Variants in ARHGAP25 observed in about 807,000 individuals in gnomAD.
ARHGAP25 encodes the protein Rho GTPase activating protein 25.
In ARHGAP25, 34 loss-of-function variants were observed where a neutral mutation model predicts 71.0. The observed-to-expected ratio is 0.48, with a 90% confidence interval of 0.36 to 0.64. The LOEUF (loss-of-function observed/expected upper bound fraction) is 0.64. Among genes scored for constraint, ARHGAP25 ranks in the 30% least tolerant of loss-of-function variants. The pLI, the probability that ARHGAP25 is intolerant of heterozygous loss-of-function variation, is 0.00. For missense variants in ARHGAP25, 706 were observed against 805.1 expected, an observed-to-expected ratio of 0.88 and a Z score of 1.49; for synonymous variants, 282 against 296.5, an observed-to-expected ratio of 0.95 and a Z score of 0.50.
At chr2:68,815,243 G>A (rs1031006649) in intron 6 of ARHGAP25, among the ~76,000 whole-genome samples, 6 of 152,152 alleles carry the variant, frequency 3.9e-5, no homozygotes, top group Admixed American at 1.3e-4. Flanking sequence ...GGAGGGGTGA[G>A]TCTGTAGCAA....
chr2:68,790,070 C>A (rs1400237228), intron 4 of ARHGAP25, among the ~76,000 whole-genome samples: 1 of 152,188 alleles, frequency 6.6e-6, no homozygotes, highest in African/African-American at 2.4e-5. Flanking sequence ...CTCACTGCAA[C>A]CTCCGCTTCC....
intron 2 of ARHGAP25, among the ~76,000 whole-genome samples, chr2:68,715,102 C>T (rs1674577632): frequency 1.3e-5 from 2 of 152,124 alleles, no homozygotes; most frequent in South Asian, 4.1e-4. Context: ...TAACTTGAAC[C>T]TTGTGAGCAG....
At chr2:68,749,547 C>G (rs1676036095) in intron 1 of ARHGAP25, among the ~76,000 whole-genome samples, 1 of 152,192 alleles carries the variant, frequency 6.6e-6, no homozygotes, top group Admixed American at 6.5e-5. Context: ...TGTGAGCACC[C>G]CAGTGCTTGC....
At chr2:68,729,404 C>T (rs996796786) in intron 2 of ARHGAP25, among the ~76,000 whole-genome samples, 1 of 152,040 alleles carries the variant, frequency 6.6e-6, no homozygotes, top group Non-Finnish European at 1.5e-5. Flanking sequence ...ATAACTGATG[C>T]TCCTGAAGAA....
chr2:68,794,219 G>A (rs760559450), intron 4 of ARHGAP25, among the ~76,000 whole-genome samples: 20 of 152,070 alleles, frequency 1.3e-4, no homozygotes, highest in Non-Finnish European at 2.2e-4. Context: ...AGCGAATAGG[G>A]ATAATTTGAC....
At chr2:68,737,228 A>C (rs1675268783) in intron 1 of ARHGAP25, among the ~76,000 whole-genome samples, 1 of 152,188 alleles carries the variant, frequency 6.6e-6, no homozygotes, top group Non-Finnish European at 1.5e-5. Flanking sequence ...CCCTTGACTC[A>C]GTCACAGGAC....
At chr2:68,770,046 T>C (rs763146686) in intron 1 of ARHGAP25, among the ~76,000 whole-genome samples, 37 of 152,268 alleles carry the variant, frequency 2.4e-4, no homozygotes, top group Admixed American at 8.5e-4. Context: ...CTGTCAGTGC[T>C]GAATATAAGG....
intron 4 of ARHGAP25, among the ~76,000 whole-genome samples, chr2:68,802,976 C>CAT (rs987558347): frequency 2.7e-5 from 2 of 73,946 alleles, no homozygotes; most frequent in African/African-American, 6.5e-5. Context: ...CATATATACA[C>CAT]ATATATATAC....
At chr2:68,732,907 T>A (rs1336131028), upstream of ARHGAP25, among the ~76,000 whole-genome samples, 1 of 152,214 alleles carries the variant, frequency 6.6e-6, no homozygotes, top group Non-Finnish European at 1.5e-5. Context: ...TTGGATACAT[T>A]TAGTTTGAGA....
At chr2:68,764,082 T>C (rs555035472) in intron 1 of ARHGAP25, among the ~76,000 whole-genome samples, 1 of 152,316 alleles carries the variant, frequency 6.6e-6, no homozygotes, top group South Asian at 2.1e-4. Context: ...TCTACAGAAT[T>C]GCCTTTTCTG....
At chr2:68,774,856 C>T (rs552696556) in intron 1 of ARHGAP25, 2 of 1,236,042 alleles carry the variant, frequency 1.6e-6, no homozygotes, top group East Asian at 8.8e-5. Context: ...ATACTGACTC[C>T]CACGCAGGAA....
chr2:68,746,090 G>A (rs7596505), intron 1 of ARHGAP25, among the ~76,000 whole-genome samples: 137,241 of 152,216 alleles, frequency 0.9, 62,010 homozygotes, highest in African/African-American at 0.91. Context: ...TTTGGAGGGG[G>A]CACCATCATT....
At chr2:68,720,492 T>A (rs971340668) in intron 2 of ARHGAP25, among the ~76,000 whole-genome samples, 5 of 152,168 alleles carry the variant, frequency 3.3e-5, no homozygotes, top group African/African-American at 1.2e-4. Context: ...TCTGGATGCA[T>A]AATGGCTGCA....
At chr2:68,768,293 G>T (rs979173079) in intron 1 of ARHGAP25, among the ~76,000 whole-genome samples, 5 of 152,184 alleles carry the variant, frequency 3.3e-5, no homozygotes, top group African/African-American at 1.2e-4. Context: ...ATTATTGTTA[G>T]ATCAGGGATT....
chr2:68,747,333 G>A (rs996699686), intron 1 of ARHGAP25, among the ~76,000 whole-genome samples: 3 of 152,032 alleles, frequency 2.0e-5, no homozygotes, highest in Non-Finnish European at 2.9e-5. Context: ...CACATCATTC[G>A]TGGAGCCTAG....
chr2:68,779,337 CAGAT>C (rs1165178432), intron 2 of ARHGAP25, among the ~76,000 whole-genome samples: 20 of 152,144 alleles, frequency 1.3e-4, no homozygotes, highest in Non-Finnish European at 7.3e-5. Context: ...TTCCACCACA[CAGAT>C]AGAATAGATG....
intron 4 of ARHGAP25, among the ~76,000 whole-genome samples, chr2:68,806,943 C>T (rs57774846): frequency 0.024 from 3,632 of 152,192 alleles, 145 homozygotes; most frequent in African/African-American, 0.082. Flanking sequence ...CAGTAAGGTG[C>T]GTGTGACATT....
chr2:68,741,541 T>C (rs1183241126), intron 1 of ARHGAP25, among the ~76,000 whole-genome samples: 1 of 152,204 alleles, frequency 6.6e-6, no homozygotes, highest in Non-Finnish European at 1.5e-5. Flanking sequence ...TATGTGTTCA[T>C]TGCAAATAAT....
chr2:68,758,987 A>G (rs1220977291), intron 1 of ARHGAP25, among the ~76,000 whole-genome samples: 1 of 151,940 alleles, frequency 6.6e-6, no homozygotes, highest in East Asian at 1.9e-4. Context: ...GAAATTAAAC[A>G]ATACACTATT....
Sources: allele counts gnomAD v4.1 joint callset (sites outside exome capture counted in the v4.1 genomes callset), GRCh38; gene constraint gnomAD v4.1.1; transcripts MANE v1.5; gene names NCBI Gene and HGNC (gene_info 2026-07-23, HGNC 2026-07-21).